Variants in HMCN1 observed in about 807,000 individuals in gnomAD.
HMCN1 encodes hemicentin 1, also known as hemicentin-1.
A neutral mutation model predicts 625.9 loss-of-function variants in HMCN1; 321 were observed. That is an observed-to-expected ratio of 0.51 (90% CI 0.47 to 0.56). The LOEUF (loss-of-function observed/expected upper bound fraction) is 0.56, where lower values mean the gene tolerates loss of function less well. Among genes scored for constraint, HMCN1 ranks in the 20% least tolerant of loss-of-function variants. HMCN1 has a pLI of 0.00. For synonymous variants in HMCN1, 2,425 were observed against 2,417.6 expected, an observed-to-expected ratio of 1.00 and a Z score of -0.09; for missense variants, 6,588 against 6,887.3, an observed-to-expected ratio of 0.96 and a Z score of 1.54.
At chr1:186,167,579 A>C (rs1458418310) in intron 100 of HMCN1, among the ~76,000 whole-genome samples, 1 of 152,220 alleles carries the variant, frequency 6.6e-6, no homozygotes, top group African/African-American at 2.4e-5. Context: ...ACATGTATCC[A>C]CCATGATAGT....
chr1:185,990,292 G>A lies in HMCN1; in HGVS notation c.3226G>A (p.Gly1076Arg). Residue 1076 changes from glycine to arginine, a missense_variant, in exon 22 of 107, where the codon GGA (glycine) becomes AGA (arginine). Physicochemically the swap from Gly to Arg is moderately radical, Grantham distance 125. Transcript: ENST00000271588. ...TATTTTAGTAAGGCCCAGAGTGTTT[G>A]GAGATCAACGAGGACTGTCCCAGGA... is the stretch of plus-strand genomic sequence containing the variant. ...LTVYVRPRVF[G>R]DQRGLSQDKP... 1 of 1,613,930 alleles carries A rather than the reference G, an allele frequency of 6.2e-7. No individual in the cohort carries two copies. The highest frequency in any genetic ancestry group is 8.5e-7 in the Non-Finnish European group (1 of 1,179,834).
chr1:186,028,230 G>C lies in HMCN1; in HGVS notation c.5749+5077G>C, dbSNP rs145496360. Among the ~76,000 whole-genome samples the C allele has an allele frequency of 2.3e-3, 345 of 152,212 alleles. 1 individual carries two copies. Among genetic ancestry groups the C allele is most frequent in the African/African-American group, 7.9e-3 (329 of 41,544 alleles). On this transcript the variant is annotated intron_variant, in intron 36 of 106. Transcript: ENST00000271588. ...AGGTATTCTGGTTTTGGCATGATATGTACATGCAGCTTTTGGAAAAAGGAA... is the reference window on the plus strand; with the variant it reads ...AGGTATTCTGGTTTTGGCATGATATCTACATGCAGCTTTTGGAAAAAGGAA...
chr1:185,964,625 G>A (rs1439348920), intron 13 of HMCN1, among the ~76,000 whole-genome samples: 1 of 152,152 alleles, frequency 6.6e-6, no homozygotes, highest in Admixed American at 6.6e-5. Context: ...CTGGAAAGAA[G>A]TGGTCTCATA....
At chr1:186,034,588 C>G (rs1428642474) in intron 36 of HMCN1, among the ~76,000 whole-genome samples, 1 of 152,070 alleles carries the variant, frequency 6.6e-6, no homozygotes, top group Non-Finnish European at 1.5e-5. Context: ...TTTCAGGTCG[C>G]TCGAAACCTA....
chr1:186,166,107 A>AT (rs1468677749), intron 98 of HMCN1, 77 bp from the exon 99 acceptor site: 2 of 1,562,562 alleles, frequency 1.3e-6, no homozygotes, highest in Non-Finnish European at 8.8e-7. Flanking sequence ...ATAAGCAGTT[A>AT]TTTTTACTGG....
At chr1:185,737,604 T>C (rs1653681807) in intron 1 of HMCN1, among the ~76,000 whole-genome samples, 1 of 152,240 alleles carries the variant, frequency 6.6e-6, no homozygotes, top group African/African-American at 2.4e-5. Flanking sequence ...AATGACTCTT[T>C]TACATATGGT....
intron 4 of HMCN1, among the ~76,000 whole-genome samples, chr1:185,900,819 T>C (rs1379263756): frequency 6.6e-6 from 1 of 151,910 alleles, no homozygotes; most frequent in Admixed American, 6.6e-5. Context: ...AGTAGAGATA[T>C]ACAAAAGGTT....
chr1:186,111,789 T>G (rs1015970854), intron 71 of HMCN1, among the ~76,000 whole-genome samples: 2 of 152,182 alleles, frequency 1.3e-5, no homozygotes, highest in African/African-American at 4.8e-5. Flanking sequence ...TAACATAATT[T>G]TATCACTAAT....
chr1:186,067,610 G>T (rs1253422217), intron 49 of HMCN1, among the ~76,000 whole-genome samples: 1 of 151,820 alleles, frequency 6.6e-6, no homozygotes, highest in Non-Finnish European at 1.5e-5. Flanking sequence ...CTACATTGTG[G>T]TTTTTTTATG....
chr1:185,989,772 A>ATTTTTT (rs1156913510), intron 21 of HMCN1, 125 bp downstream of exon 21: 5 of 536,064 alleles, frequency 9.3e-6, no homozygotes, highest in South Asian at 2.6e-5. Context: ...CCAGATTTCT[A>ATTTTTT]TTTTTTTTTT....
At chr1:185,993,963 G>A (rs1571681756) in intron 23 of HMCN1, among the ~76,000 whole-genome samples, 10 of 152,070 alleles carry the variant, frequency 6.6e-5, no homozygotes. Flanking sequence ...AGTCACACCA[G>A]AGTTCTGTCA....
intron 11 of HMCN1, among the ~76,000 whole-genome samples, chr1:185,948,473 A>G (rs1441399364): frequency 1.4e-5 from 2 of 147,772 alleles, no homozygotes; most frequent in African/African-American, 5.0e-5. Context: ...GGTGGGCAGG[A>G]GTGGGGGTCG....
At chr1:185,989,751 G>C (rs974549598) in intron 21 of HMCN1, 104 bp downstream of exon 21, 5 of 955,728 alleles carry the variant, frequency 5.2e-6, no homozygotes, top group Admixed American at 2.6e-5. Context: ...CCCCTAAAGT[G>C]AACTGCTCCC....
intron 101 of HMCN1, 40 bp downstream of exon 101, chr1:186,171,490 A>G (rs770107290): frequency 2.9e-6 from 4 of 1,385,752 alleles, no homozygotes; most frequent in Non-Finnish European, 4.1e-6. Flanking sequence ...TGACACCTCT[A>G]TAACTTCTTA....
chr1:186,073,391 G>A (rs528463649), intron 52 of HMCN1, among the ~76,000 whole-genome samples: 2 of 152,240 alleles, frequency 1.3e-5, no homozygotes, highest in Admixed American at 6.5e-5. Flanking sequence ...AGTAATTGGA[G>A]TCCACAAGTA....
intron 1 of HMCN1, among the ~76,000 whole-genome samples, chr1:185,792,541 T>A (rs1046823605): frequency 6.6e-6 from 1 of 152,158 alleles, no homozygotes; most frequent in Non-Finnish European, 1.5e-5. Flanking sequence ...CCCCAGAATC[T>A]TCTTTGTGCA....
At chr1:186,046,033 T>C (rs1408927220) in intron 41 of HMCN1, among the ~76,000 whole-genome samples, 170 bp downstream of exon 41, 1 of 152,168 alleles carries the variant, frequency 6.6e-6, no homozygotes, top group Non-Finnish European at 1.5e-5. Context: ...TTTTTTTGTT[T>C]AGTGAGATTT....
chr1:185,946,091 G>C (rs1668327158), intron 11 of HMCN1, among the ~76,000 whole-genome samples: 1 of 152,196 alleles, frequency 6.6e-6, no homozygotes, highest in African/African-American at 2.4e-5. Flanking sequence ...TGGGAGTCAG[G>C]GAATGACAGC....
At chr1:186,084,645 G>A (rs533016189) in intron 57 of HMCN1, among the ~76,000 whole-genome samples, 43 of 151,886 alleles carry the variant, frequency 2.8e-4, no homozygotes, top group African/African-American at 9.9e-4. Flanking sequence ...CTTAATTTTT[G>A]TGGAACAGCA....
Sources: allele counts gnomAD v4.1 joint callset (sites outside exome capture counted in the v4.1 genomes callset), GRCh38; gene constraint gnomAD v4.1.1; transcripts MANE v1.5; gene names NCBI Gene and HGNC (gene_info 2026-07-23, HGNC 2026-07-21).